SLC4A4: variants seen among roughly 807,000 people sequenced by gnomAD.
The protein encoded by SLC4A4 is solute carrier family 4 member 4, also known as electrogenic sodium bicarbonate cotransporter 1.
In SLC4A4, 27 loss-of-function variants were observed where a neutral mutation model predicts 111.5. That is an observed-to-expected ratio of 0.24 (90% CI 0.18 to 0.33). The LOEUF is 0.33. SLC4A4 is among the 10% of genes least tolerant of loss of function. The pLI is 1.00. For synonymous variants in SLC4A4, 443 were observed against 463.4 expected (o/e 0.96, Z 0.57); for missense variants, 909 against 1,315.5 (o/e 0.69, Z 4.78).
chr4:71,110,678 G>T (rs1743060810), intron 2 of SLC4A4, among the ~76,000 whole-genome samples: 1 of 152,158 alleles, frequency 6.6e-6, no homozygotes, highest in Admixed American at 6.5e-5. Context: ...AATTAGATAT[G>T]CTTACTAAGG....
rs560767498 is a variant in SLC4A4 at position 71,172,936 on chromosome 4, T to G, written c.-1-63640T>G. Among the ~76,000 whole-genome samples, 13 of 152,374 alleles carry G rather than the reference T, an allele frequency of 8.5e-5. No individual in the cohort carries two copies. In the South Asian group the frequency reaches 2.5e-3, roughly 29 times the overall value. ...GAATGCCTGAAACTGTGTATAGTAC[T>G]GAGCCTTATACATACTTTGTAGTAC... On this transcript the variant is annotated intron_variant, in intron 2 of 26. Transcript: ENST00000649996.
chr4:71,245,696 A>G (rs2579357), intron 2 of SLC4A4, among the ~76,000 whole-genome samples: 135,118 of 152,006 alleles, frequency 0.89, 61,573 homozygotes, highest in Non-Finnish European at 0.99. Flanking sequence ...AACTAAGAAG[A>G]AAGGACAGGG....
At chr4:71,291,888 C>A (rs909986976) in intron 3 of SLC4A4, among the ~76,000 whole-genome samples, 1 of 152,026 alleles carries the variant, frequency 6.6e-6, no homozygotes, top group African/African-American at 2.4e-5. Context: ...CTTTTCCTCT[C>A]CTAGTTTTTA....
chr4:71,455,592 G>A (rs1216934386), intron 12 of SLC4A4, among the ~76,000 whole-genome samples: 1 of 152,168 alleles, frequency 6.6e-6, no homozygotes, highest in Admixed American at 6.5e-5. Context: ...AGAAAGCTGT[G>A]ATTTTGAGAG....
At chr4:71,123,569 A>G (rs921839397) in intron 2 of SLC4A4, among the ~76,000 whole-genome samples, 1 of 152,212 alleles carries the variant, frequency 6.6e-6, no homozygotes, top group Admixed American at 6.5e-5. Flanking sequence ...CTTTTATTTA[A>G]TATTTTACCT....
intron 1 of SLC4A4, among the ~76,000 whole-genome samples, chr4:71,194,140 C>T (rs1403171648): frequency 6.6e-6 from 1 of 152,124 alleles, no homozygotes; most frequent in Non-Finnish European, 1.5e-5. Flanking sequence ...ATCTAGCTCT[C>T]TTACTTATTA....
intron 3 of SLC4A4, chr4:71,338,995 A>G: frequency 7.6e-7 from 1 of 1,319,708 alleles, no homozygotes; most frequent in Non-Finnish European, 9.9e-7. Flanking sequence ...CTGTATGAAA[A>G]AGTGACTGGT....
At chr4:71,543,810 T>C (rs1441699545) in intron 18 of SLC4A4, among the ~76,000 whole-genome samples, 2 of 152,086 alleles carry the variant, frequency 1.3e-5, no homozygotes, top group African/African-American at 4.8e-5. Flanking sequence ...AAAGAGGGCA[T>C]AAAAATTCTG....
chr4:71,164,205 A>T (rs1390226919), intron 2 of SLC4A4, among the ~76,000 whole-genome samples: 1 of 152,244 alleles, frequency 6.6e-6, no homozygotes, highest in Non-Finnish European at 1.5e-5. Context: ...ACATGGTGAA[A>T]CCCTGTCTCT....
chr4:71,414,942 T>C (rs1392057306), intron 7 of SLC4A4, among the ~76,000 whole-genome samples: 1 of 152,198 alleles, frequency 6.6e-6, no homozygotes, highest in Non-Finnish European at 1.5e-5. Context: ...CTGAACATAG[T>C]CATTCAAGGA....
intron 2 of SLC4A4, among the ~76,000 whole-genome samples, chr4:71,165,957 C>A: frequency 6.6e-6 from 1 of 151,822 alleles, no homozygotes. Flanking sequence ...GAGCAAGTAC[C>A]AATATTGGTA....
chr4:71,541,509 A>G (rs886857000), intron 18 of SLC4A4, among the ~76,000 whole-genome samples: 1 of 152,298 alleles, frequency 6.6e-6, no homozygotes, highest in African/African-American at 2.4e-5. Flanking sequence ...TATGCAAGGC[A>G]CATTTAGGGA....
intron 7 of SLC4A4, among the ~76,000 whole-genome samples, chr4:71,409,842 G>A (rs568670200): frequency 1.4e-4 from 21 of 152,284 alleles, no homozygotes; most frequent in African/African-American, 2.6e-4. Flanking sequence ...GGCCACACCC[G>A]GGGTCCCCGT....
chr4:71,184,448 A>G (rs1745391269), upstream of SLC4A4, among the ~76,000 whole-genome samples: 1 of 152,162 alleles, frequency 6.6e-6, no homozygotes, highest in Non-Finnish European at 1.5e-5. Context: ...TTAGATGCCT[A>G]TTAGGACCTT....
At chr4:71,347,585 C>T (rs889983192) in intron 4 of SLC4A4, among the ~76,000 whole-genome samples, 23 of 152,126 alleles carry the variant, frequency 1.5e-4, no homozygotes, top group Admixed American at 1.2e-3. Flanking sequence ...TCTCCTTATA[C>T]CATTCCCTTG....
chr4:71,407,254 T>G (rs1720943669), intron 7 of SLC4A4, among the ~76,000 whole-genome samples: 2 of 152,288 alleles, frequency 1.3e-5, no homozygotes, highest in Admixed American at 6.5e-5. Context: ...TAAAAAATTT[T>G]TAAGGGTCTT....
intron 1 of SLC4A4, among the ~76,000 whole-genome samples, chr4:71,203,997 C>T (rs1283095632): frequency 6.6e-6 from 1 of 152,090 alleles, no homozygotes; most frequent in Non-Finnish European, 1.5e-5. Context: ...TCCAGAAAAG[C>T]CATGTTATTA....
chr4:71,518,351 G>T (rs1011493293), intron 16 of SLC4A4, among the ~76,000 whole-genome samples: 2 of 152,144 alleles, frequency 1.3e-5, no homozygotes, highest in Non-Finnish European at 2.9e-5. Context: ...GGGCTTAAGG[G>T]TCTAGCCTGG....
chr4:71,100,886 A>G (rs151160954), intron 2 of SLC4A4, among the ~76,000 whole-genome samples: 389 of 152,352 alleles, frequency 2.6e-3, no homozygotes, highest in African/African-American at 7.9e-3. Flanking sequence ...ATAACTAACC[A>G]GGGAGGTGAA....
Sources: allele counts gnomAD v4.1 joint callset (sites outside exome capture counted in the v4.1 genomes callset), GRCh38; gene constraint gnomAD v4.1.1; transcripts MANE v1.5; gene names NCBI Gene and HGNC (gene_info 2026-07-23, HGNC 2026-07-21).